Variants in CACNA2D1 observed in about 807,000 individuals in gnomAD.
CACNA2D1 encodes calcium voltage-gated channel auxiliary subunit alpha2delta 1.
A neutral mutation model predicts 171.5 loss-of-function variants in CACNA2D1; 53 were observed. The observed-to-expected ratio is 0.31, with a 90% CI of 0.25 to 0.39. The LOEUF (loss-of-function observed/expected upper bound fraction) is 0.39, where lower values mean the gene tolerates loss of function less well. CACNA2D1 is among the 10% of genes least tolerant of loss of function. The probability of loss-of-function intolerance (pLI) is 1.00; values close to 1 mark genes in which losing one functional copy is unlikely to be tolerated. For missense variants in CACNA2D1, 903 were observed against 1,299.8 expected (o/e 0.69, Z 4.69); for synonymous variants, 442 against 443.1 (o/e 1.00, Z 0.03).
chr7:82,151,795 T>C (rs1454397381), intron 4 of CACNA2D1, among the ~76,000 whole-genome samples: 1 of 152,188 alleles, frequency 6.6e-6, no homozygotes, highest in South Asian at 2.1e-4. Context: ...TTCTAGCACG[T>C]AAGAAACTCA....
chr7:82,408,116 G>A (rs947095438), intron 1 of CACNA2D1, among the ~76,000 whole-genome samples: 5 of 151,618 alleles, frequency 3.3e-5, no homozygotes, highest in Non-Finnish European at 5.9e-5. Flanking sequence ...CGCCTCCCAG[G>A]TTCAAGCAAT....
chr7:82,400,115 T>C (rs995791661), intron 1 of CACNA2D1, among the ~76,000 whole-genome samples: 20 of 150,802 alleles, frequency 1.3e-4, no homozygotes, highest in Non-Finnish European at 2.4e-4. Context: ...CCTTGTAGTA[T>C]AGTTTGAAGT....
At chr7:82,002,522 T>C (rs1037914209) in intron 18 of CACNA2D1, among the ~76,000 whole-genome samples, 6 of 152,260 alleles carry the variant, frequency 3.9e-5, no homozygotes, top group Non-Finnish European at 8.8e-5. Flanking sequence ...CCAAATGTTA[T>C]ATCTATGAAA....
intron 5 of CACNA2D1, among the ~76,000 whole-genome samples, chr7:82,121,915 T>A (rs1420868121): frequency 2.6e-5 from 4 of 152,254 alleles, no homozygotes; most frequent in Admixed American, 2.6e-4. Flanking sequence ...TCAGAAGCAA[T>A]TTATTTAACA....
At chr7:82,017,606 A>T (rs911979573) in intron 12 of CACNA2D1, among the ~76,000 whole-genome samples, 1 of 142,814 alleles carries the variant, frequency 7.0e-6, no homozygotes, top group Non-Finnish European at 1.5e-5. Flanking sequence ...CTGCTTCTTC[A>T]GATGTTTTTT....
At chr7:82,202,855 A>G (rs2129208599) in intron 3 of CACNA2D1, among the ~76,000 whole-genome samples, 1 of 152,236 alleles carries the variant, frequency 6.6e-6, no homozygotes, top group Admixed American at 6.5e-5. Context: ...GTCCTCCCAG[A>G]GGAGAAAAGG....
At chr7:81,986,115 C>G (rs1796940053) in intron 21 of CACNA2D1, among the ~76,000 whole-genome samples, 1 of 152,176 alleles carries the variant, frequency 6.6e-6, no homozygotes, top group African/African-American at 2.4e-5. Flanking sequence ...TTTTCCATAT[C>G]CACATGTGCT....
At chr7:82,177,105 G>A (rs1273448137) in intron 3 of CACNA2D1, among the ~76,000 whole-genome samples, 9 of 144,214 alleles carry the variant, frequency 6.2e-5, no homozygotes, top group East Asian at 2.0e-4. Flanking sequence ...GTTGGGGGGC[G>A]GGCTGGAGGG....
chr7:82,072,457 T>C (rs931415796), intron 7 of CACNA2D1, among the ~76,000 whole-genome samples: 1 of 151,944 alleles, frequency 6.6e-6, no homozygotes, highest in Non-Finnish European at 1.5e-5. Context: ...AACTGCTTAT[T>C]GCTATATAAG....
At chr7:82,365,833 T>C (rs1194517247) in intron 1 of CACNA2D1, among the ~76,000 whole-genome samples, 1 of 152,208 alleles carries the variant, frequency 6.6e-6, no homozygotes, top group East Asian at 1.9e-4. Context: ...CAGCCTGAAC[T>C]TATATTGCAC....
chr7:82,102,898 C>T (rs1461908209), intron 6 of CACNA2D1, among the ~76,000 whole-genome samples: 2 of 152,186 alleles, frequency 1.3e-5, no homozygotes, highest in Admixed American at 6.5e-5. Flanking sequence ...AGCCTTGTCA[C>T]AGCACAAAAC....
intron 3 of CACNA2D1, among the ~76,000 whole-genome samples, chr7:82,284,863 G>A (rs756218813): frequency 2.0e-4 from 30 of 152,278 alleles, no homozygotes; most frequent in Admixed American, 5.2e-4. Context: ...ATAAGACCCT[G>A]AGAGGTCCAG....
intron 24 of CACNA2D1, among the ~76,000 whole-genome samples, chr7:81,979,432 T>C (rs949549568): frequency 6.6e-6 from 1 of 152,156 alleles, no homozygotes; most frequent in Non-Finnish European, 1.5e-5. Context: ...TTTCTCTATG[T>C]ATCTGGATTC....
At chr7:82,190,083 A>C (rs1479648880) in intron 3 of CACNA2D1, among the ~76,000 whole-genome samples, 1 of 152,026 alleles carries the variant, frequency 6.6e-6, no homozygotes, top group East Asian at 1.9e-4. Context: ...GTAGTATTCA[A>C]TGATGAGAAA....
chr7:81,996,377 T>C (rs1337769586), intron 19 of CACNA2D1, among the ~76,000 whole-genome samples: 1 of 151,704 alleles, frequency 6.6e-6, no homozygotes, highest in Non-Finnish European at 1.5e-5. Flanking sequence ...TAAATTCTAT[T>C]GTTCTACAAT....
At chr7:82,436,653 T>C (rs1830137168) in intron 1 of CACNA2D1, among the ~76,000 whole-genome samples, 1 of 152,190 alleles carries the variant, frequency 6.6e-6, no homozygotes, top group African/African-American at 2.4e-5. Flanking sequence ...ACCTTTAGTA[T>C]CTTTAATGTA....
chr7:82,132,108 CA>C (rs1292357555), intron 5 of CACNA2D1, among the ~76,000 whole-genome samples: 4 of 152,028 alleles, frequency 2.6e-5, no homozygotes, highest in Admixed American at 6.5e-5. Context: ...TTGCAGAAAA[CA>C]ATTTGATCAT....
intron 7 of CACNA2D1, among the ~76,000 whole-genome samples, chr7:82,075,448 C>T (rs1808849700): frequency 6.6e-6 from 1 of 152,084 alleles, no homozygotes; most frequent in Admixed American, 6.5e-5. Flanking sequence ...TGGAAATAAG[C>T]GTGAGCACAG....
chr7:82,057,698 T>A (rs561083846), intron 10 of CACNA2D1, among the ~76,000 whole-genome samples: 160 of 152,106 alleles, frequency 1.1e-3, no homozygotes, highest in African/African-American at 3.8e-3. Context: ...GAGATAACTG[T>A]GAATGGACAA....
Sources: gnomAD v4.1 joint callset for allele counts (sites outside exome capture counted in the v4.1 genomes callset) on GRCh38, gnomAD v4.1.1 for gene constraint, MANE v1.5 for transcripts, NCBI Gene and HGNC (gene_info 2026-07-23, HGNC 2026-07-21) for gene names.